Variants in ADAP2 observed in about 807,000 individuals in gnomAD.
ADAP2 encodes arf-GAP with dual PH domain-containing protein 2.
Under a neutral mutation model 54.9 loss-of-function variants are expected in ADAP2, and 42 were observed. The ratio of observed to expected loss-of-function variants is 0.77; its 90% CI spans 0.60 to 0.99. ADAP2 has a LOEUF of 0.99. Ranked by LOEUF, ADAP2 falls within the 50% of genes least tolerant of loss-of-function variation. The pLI, the probability that ADAP2 is intolerant of heterozygous loss-of-function variation, is 0.00. For missense variants in ADAP2, 429 were observed against 480.4 expected (o/e 0.89, Z 1.00); for synonymous variants, 177 against 180.1 (o/e 0.98, Z 0.14).
At position 30,926,830 on chromosome 17, in the gene ADAP2, A is replaced by T. The variant is rs1354312123; in HGVS notation, c.229A>T (p.Met77Leu). 8 of 1,614,070 alleles carry T rather than the reference A, an allele frequency of 5.0e-6. No individual in the cohort carries two copies. Among genetic ancestry groups the T allele is most frequent in the Non-Finnish European group, 6.8e-6 (8 of 1,179,988 alleles). Residue 77 changes from methionine (M) to leucine (L), a missense_variant, in exon 3 of 11, where the codon ATG (methionine) becomes TTG (leucine). By Grantham distance (15) the Met-to-Leu change is conservative. Transcript: ENST00000330889. ...TCAGGTTGCTGTTGTCTTGCAGTTT[A>T]TGATCCACAATGGAAACCTCCGTGT... ...DFWDDSIVEF[M>L]IHNGNLRVKA...
rs1005156795 is a variant in ADAP2 at position 30,956,094 on chromosome 17, A to G, written c.883-147A>G. 1.8e-5 allele frequency: 12 copies of G among 648,802 alleles called. No homozygotes were observed. In the African/African-American group the frequency reaches 2.2e-4, roughly 12 times the overall value. The allele number at this position is 648,802 out of a possible 1,614,324, so 40.2% of individuals were successfully genotyped here. ...GTGTATGATTTATTTTAGGGTTTTG[A>G]TCTTTCAAATTCTGGGTCCCACTTA... is the stretch of plus-strand genomic sequence containing the variant. On this transcript the variant is annotated intron_variant, in intron 9 of 10. Coordinates refer to ENST00000330889, the MANE Select transcript of ADAP2 (RefSeq NM_018404.3).
chr17:30,952,938 T>C (rs1904786707), intron 7 of ADAP2, among the ~76,000 whole-genome samples: 1 of 151,976 alleles, frequency 6.6e-6, no homozygotes, highest in African/African-American at 2.4e-5. Flanking sequence ...CGCAGGGTGA[T>C]TGAGAATTGC....
intron 5 of ADAP2, among the ~76,000 whole-genome samples, chr17:30,935,170 C>G (rs1438680543): frequency 2.0e-5 from 3 of 152,100 alleles, no homozygotes; most frequent in Non-Finnish European, 4.4e-5. Flanking sequence ...AGTTTGAGAC[C>G]AGCCTGACCA....
At chr17:30,945,848 T>TAAA (rs60763338) in intron 6 of ADAP2, among the ~76,000 whole-genome samples, 3 of 117,918 alleles carry the variant, frequency 2.5e-5, no homozygotes, top group Non-Finnish European at 3.6e-5. Flanking sequence ...GAAACTGCAT[T>TAAA]AAAAAAAAAA....
rs919388217 is a variant in ADAP2 at position 30,958,225 on chromosome 17, A to G, written c.*356A>G. ...GCAAGTGGCATCTTGTAAAAAAAAA[A>G]AAAAAGTTTAATCTGAATCTAACCA... On this transcript the variant is annotated 3_prime_UTR_variant, in exon 11 of 11. Transcript: ENST00000330889. 1 of 261,176 alleles carries G rather than the reference A, an allele frequency of 3.8e-6. No individual in the cohort carries two copies. The highest frequency in any genetic ancestry group is 7.5e-6 in the Non-Finnish European group (1 of 133,890). The allele number at this position is 261,176 out of a possible 1,614,324, so 16.2% of individuals were successfully genotyped here. A position where few individuals can be genotyped will look rare whatever the true frequency, so the allele number is the denominator to read the frequency against.
rs1256705151 is a variant in ADAP2, at chr17:30,958,188, C to A, written c.*319C>A. ...TGGAGGCATTGCAATGAAAAGGCAC[C>A]CACAGCATCATGCAAGTGGCATCTT... On this transcript the variant is annotated 3_prime_UTR_variant, in exon 11 of 11. Transcript: ENST00000330889. The A allele has an allele frequency of 5.6e-6, 2 of 356,204 alleles. No homozygotes were observed. Among genetic ancestry groups the A allele is most frequent in the East Asian group, 9.6e-5 (2 of 20,740 alleles). 22.1% of individuals were successfully genotyped at this position (356,204 alleles called of 1,614,324 possible). A position where few individuals can be genotyped will look rare whatever the true frequency, so the allele number is the denominator to read the frequency against.
Position 30,926,847 on chromosome 17 carries a change from C to A in ADAP2, c.246C>A (p.Asn82Lys), listed in dbSNP as rs1284079460. 1 of 1,614,182 alleles carries A rather than the reference C, an allele frequency of 6.2e-7. No homozygotes were observed. Among genetic ancestry groups the A allele is most frequent in the Non-Finnish European group, 8.5e-7 (1 of 1,180,034 alleles). The change falls in exon 3 of 11, where the codon AAC (asparagine) becomes AAA (lysine). Residue 82 changes from asparagine to lysine, a missense_variant. Coordinates refer to ENST00000330889, the MANE Select transcript of ADAP2 (RefSeq NM_018404.3). ...SIVEFMIHNG[N>K]LRVKAKFEAR... ...TGCAGTTTATGATCCACAATGGAAA[C>A]CTCCGTGTGAAGGCCAAGTTCGAAG...
At chr17:30,948,507 T>C (rs1409179517) in intron 6 of ADAP2, among the ~76,000 whole-genome samples, 2 of 151,144 alleles carry the variant, frequency 1.3e-5, no homozygotes, top group Non-Finnish European at 3.0e-5. Context: ...AAGGCGGAGG[T>C]TGCAGTGAGC....
intron 7 of ADAP2, 53 bp downstream of exon 7, chr17:30,949,423 T>C: frequency 6.5e-7 from 1 of 1,529,870 alleles, no homozygotes; most frequent in South Asian, 1.1e-5. Flanking sequence ...CATCTCCTTC[T>C]TTCCCTGTCT....
intron 7 of ADAP2, among the ~76,000 whole-genome samples, chr17:30,951,116 T>A (rs1904598594): frequency 6.6e-6 from 1 of 152,108 alleles, no homozygotes; most frequent in Non-Finnish European, 1.5e-5. Flanking sequence ...CCCAGTGGGG[T>A]CTGTGGTCCT....
chr17:30,953,499 A>G, intron 8 of ADAP2, 149 bp downstream of exon 8: 1 of 721,912 alleles, frequency 1.4e-6, no homozygotes, highest in South Asian at 1.9e-5. Context: ...GCAACCCAGG[A>G]CGGCTTGGAA....
In ADAP2 at chr17:30,922,123, G is replaced by A; in HGVS notation, c.94+15G>A. ...CGGGGCGGCAGGTAAGGGCGCGGCGGCGCGGGCAGCGCGAGACCCCCGGCC... is the reference window on the plus strand; with the variant it reads ...CGGGGCGGCAGGTAAGGGCGCGGCGACGCGGGCAGCGCGAGACCCCCGGCC... On this transcript the variant is annotated intron_variant, in intron 1 of 10. Transcript: ENST00000330889. The A allele has an allele frequency of 8.1e-7, 1 of 1,231,802 alleles. No homozygotes were observed. The highest frequency in any genetic ancestry group is 1.0e-6 in the Non-Finnish European group (1 of 987,520). 76.3% of individuals were successfully genotyped at this position (1,231,802 alleles called of 1,614,324 possible). A position where few individuals can be genotyped will look rare whatever the true frequency, so the allele number is the denominator to read the frequency against.
intron 2 of ADAP2, 104 bp downstream of exon 2, chr17:30,923,174 G>A: frequency 7.3e-7 from 1 of 1,360,732 alleles, no homozygotes. Flanking sequence ...GAACCAGAGA[G>A]GGGCAAGTCT....
At chr17:30,934,388 T>A in intron 5 of ADAP2, 91 bp downstream of exon 5, 1 of 853,578 alleles carries the variant, frequency 1.2e-6, no homozygotes, top group Non-Finnish European at 1.8e-6. Flanking sequence ...CCTTTTCTTG[T>A]AGATAATCTC....
At chr17:30,931,067 A>G (rs998074653) in intron 3 of ADAP2, among the ~76,000 whole-genome samples, 4 of 152,126 alleles carry the variant, frequency 2.6e-5, no homozygotes, top group African/African-American at 9.7e-5. Flanking sequence ...TCCTAAGACG[A>G]CTGCTTTGTC....
At chr17:30,941,635 C>A (rs1567721093) in intron 5 of ADAP2, among the ~76,000 whole-genome samples, 1 of 152,276 alleles carries the variant, frequency 6.6e-6, no homozygotes, top group East Asian at 1.9e-4. Context: ...AATTTGAAAT[C>A]CATGCATAGC....
rs2135866 is a variant in ADAP2, at chr17:30,945,397, C to T, written c.657+344C>T. ...GAGGAACTGATGGACAGTCAGGCAG[C>T]AGTGCACCCCGGGACCCTGCTTCTC... On this transcript the variant is annotated intron_variant, in intron 6 of 10. Transcript: ENST00000330889. 3.3e-3 allele frequency among the ~76,000 whole-genome samples: 496 copies of T among 152,218 alleles called. 1 individual carries two copies. The highest frequency in any genetic ancestry group is 0.017 in the Middle Eastern group (5 of 294).
intron 2 of ADAP2, among the ~76,000 whole-genome samples, chr17:30,925,504 CCTT>C (rs1191016556): frequency 4.0e-5 from 6 of 151,462 alleles, no homozygotes; most frequent in South Asian, 2.1e-4. Flanking sequence ...TGTTATATTT[CCTT>C]CTTCTTCTTC....
At chr17:30,933,593 G>A (rs1219487416) in intron 4 of ADAP2, among the ~76,000 whole-genome samples, 16 of 152,024 alleles carry the variant, frequency 1.1e-4, no homozygotes, top group Admixed American at 5.9e-4. Flanking sequence ...TCCCCCTCCC[G>A]GGTTCAAGTG....
Sources: allele counts gnomAD v4.1 joint callset (sites outside exome capture counted in the v4.1 genomes callset), GRCh38; gene constraint gnomAD v4.1.1; transcripts MANE v1.5; gene names NCBI Gene and HGNC (gene_info 2026-07-23, HGNC 2026-07-21).